KIF26A: variants seen among roughly 807,000 people sequenced by gnomAD.
KIF26A encodes the protein kinesin family member 26A.
In KIF26A, 74 loss-of-function variants were observed where a neutral mutation model predicts 126.0. That is an observed-to-expected ratio of 0.59 (90% CI 0.49 to 0.71). The LOEUF (loss-of-function observed/expected upper bound fraction) is 0.71. Among genes scored for constraint, KIF26A ranks in the 30% least tolerant of loss-of-function variants. The pLI is 0.00. For synonymous variants in KIF26A, 1,445 were observed against 1,232.7 expected, an observed-to-expected ratio of 1.17 and a Z score of -3.61; for missense variants, 2,984 against 2,763.3, an observed-to-expected ratio of 1.08 and a Z score of -1.79.
chr14:104,171,331 G>A (rs1339054882), intron 5 of KIF26A, among the ~76,000 whole-genome samples: 1 of 152,210 alleles, frequency 6.6e-6, no homozygotes, highest in East Asian at 1.9e-4. Context: ...CTCAGCCTGG[G>A]GAGCAGCCTG....
rs980209262 is a variant in KIF26A, at chr14:104,180,485, A to G, written c.*695A>G. On this transcript the variant is annotated 3_prime_UTR_variant, in exon 15 of 15. Transcript: ENST00000423312. The stretch of plus-strand genomic sequence containing the variant: ...CCACAAGCAAAAAACAAAACAGACC[A>G]CCACGACCAACAACAAAGATGGGGG... The G allele has an allele frequency of 6.6e-6, 1 of 152,204 alleles. No homozygotes were observed. Among genetic ancestry groups the G allele is most frequent in the Non-Finnish European group, 1.5e-5 (1 of 68,042 alleles). The allele number at this position is 152,204 out of a possible 1,614,324, so 9.4% of individuals were successfully genotyped here.
rs770931669 is a variant in KIF26A at position 104,177,444 on chromosome 14, C to T, written c.4656C>T (p.Thr1552=). Residue 1552 remains threonine, a synonymous_variant, in exon 12 of 15, where the codon ACC becomes ACT. Coordinates refer to ENST00000423312, the MANE Select transcript of KIF26A (RefSeq NM_015656.2). ...TCGGGGCGAAGGCTGGCCGGGGTAC[C>T]GTCATGGGCACAAAGCAGGCGCTCC... is the stretch of plus-strand genomic sequence containing the variant. ...PSVGAKAGRG[T]VMGTKQALRA... is the part of the protein sequence containing the mutation. The T allele has an allele frequency of 7.0e-5, 107 of 1,522,668 alleles. No homozygotes were observed. Among genetic ancestry groups the T allele is most frequent in the Admixed American group, 2.4e-4 (12 of 49,674 alleles). 94.3% of individuals were successfully genotyped at this position (1,522,668 alleles called of 1,614,324 possible).
At chr14:104,146,547 G>C (rs1326014462) in intron 2 of KIF26A, among the ~76,000 whole-genome samples, 1 of 151,158 alleles carries the variant, frequency 6.6e-6, no homozygotes. Context: ...GGCGACCACC[G>C]CAGATCCTCT....
intron 3 of KIF26A, among the ~76,000 whole-genome samples, chr14:104,153,642 G>GAACCCCACCCTTGCCAC (rs1218036764): frequency 3.3e-5 from 5 of 151,774 alleles, no homozygotes; most frequent in African/African-American, 4.8e-5. Flanking sequence ...CCCCAGAGCT[G>GAACCCCACCCTTGCCAC]GGCATCCTGG....
chr14:104,152,082 C>T lies in KIF26A; in HGVS notation c.356C>T (p.Pro119Leu), dbSNP rs1391950839. The change falls in exon 3 of 15, where the codon CCA becomes CTA. Residue 119 changes from proline (P) to leucine (L), a missense_variant. Pro to Leu is a moderately conservative substitution (Grantham distance 98). Coordinates refer to ENST00000423312, the MANE Select transcript of KIF26A (RefSeq NM_015656.2). The surrounding 1 kb of genome is among the most constrained non-coding windows in gnomAD (Gnocchi z 5.9). Reference sequence around the variant, plus strand: ...CCTGGGGCCCTGCCAGCCTGTCGCCCAGAGGCCGAGCGCCGCTGTGACGTC... The same window carrying T: ...CCTGGGGCCCTGCCAGCCTGTCGCCTAGAGGCCGAGCGCCGCTGTGACGTC... ...PAPGALPACR[P>L]EAERRCDVCA... 27 of 1,612,660 alleles carry T rather than the reference C, an allele frequency of 1.7e-5. No homozygotes were observed. Among genetic ancestry groups the T allele is most frequent in the Non-Finnish European group, 2.2e-5 (26 of 1,179,792 alleles).
At position 104,179,626 on chromosome 14, in the gene KIF26A, C is replaced by G. The variant is rs1358667299; in HGVS notation, c.5485C>G (p.Leu1829Val). The G allele has an allele frequency of 3.3e-6, 5 of 1,537,074 alleles. No homozygotes were observed. The highest frequency in any genetic ancestry group is 4.4e-6 in the Non-Finnish European group (5 of 1,140,388). ...CTCCCCAGTTGAGGTGGACCCGGAG[C>G]TGGAGCCCGAGTCGGCCGAGTACCT... ...WLEQFEVDPELEPESAEYLAA... is the reference protein window; with the variant it reads ...WLEQFEVDPEVEPESAEYLAA... Residue 1829 changes from leucine (L) to valine (V), a missense_variant, in exon 15 of 15, where the codon CTG becomes GTG. Transcript: ENST00000423312.
At chr14:104,139,629 TCCAGCCCTA>T (rs1298849904) in intron 2 of KIF26A, among the ~76,000 whole-genome samples, 1 of 152,134 alleles carries the variant, frequency 6.6e-6, no homozygotes, top group Non-Finnish European at 1.5e-5. Flanking sequence ...GCGGGACAGC[TCCAGCCCTA>T]CCAGCAGGGA....
At chr14:104,149,393 G>GGAA (rs2037707170) in intron 2 of KIF26A, among the ~76,000 whole-genome samples, 1 of 152,206 alleles carries the variant, frequency 6.6e-6, no homozygotes, top group Non-Finnish European at 1.5e-5. Flanking sequence ...GGCTGCTGGG[G>GGAA]GAAGGTACCC....
chr14:104,179,111 T>G, intron 13 of KIF26A, 125 bp from the exon 14 acceptor site: 3 of 1,158,528 alleles, frequency 2.6e-6, no homozygotes, highest in Non-Finnish European at 3.4e-6. Context: ...TGCCCGCCCT[T>G]GGAGCCCCAC....
chr14:104,176,819 A>G lies in KIF26A; in HGVS notation c.4031A>G (p.Lys1344Arg). Residue 1344 changes from lysine to arginine, a missense_variant, in exon 12 of 15, where the codon AAG (lysine) becomes AGG (arginine). Coordinates refer to ENST00000423312, the MANE Select transcript of KIF26A (RefSeq NM_015656.2). ...CTGAAGGCCTCCCCCACCAGCAAGA[A>G]GGGTCTGGCTCCCAAGGCGGGCTTC... is the stretch of plus-strand genomic sequence containing the variant. ...GSLKASPTSK[K>R]GLAPKAGFLP... 6.4e-7 allele frequency: 1 copy of G among 1,557,046 alleles called. No individual in the cohort carries two copies. Among genetic ancestry groups the G allele is most frequent in the South Asian group, 1.2e-5 (1 of 84,190 alleles).
Position 104,152,403 on chromosome 14 carries a change from G to A in KIF26A, c.677G>A (p.Cys226Tyr), listed in dbSNP as rs769298991. The change falls in exon 3 of 15, where the codon TGC becomes TAC. Residue 226 changes from cysteine (C) to tyrosine (Y), a missense_variant. Transcript: ENST00000423312. This position sits in a 1 kb window ranked among gnomAD's most constrained non-coding sequence, Gnocchi z 5.9. Reference sequence around the variant, plus strand: ...ACGGTCACCATCCAGGCCCAGCAGTGCCTGGAGGGCATGTGGAGTGTCTCG... The same window carrying A: ...ACGGTCACCATCCAGGCCCAGCAGTACCTGGAGGGCATGTGGAGTGTCTCG... ...LSTVTIQAQQ[C>Y]LEGMWSVSRV... The A allele has an allele frequency of 1.9e-5, 31 of 1,599,216 alleles. No homozygotes were observed. The East Asian group carries it at 2.9e-4, about 15-fold the overall frequency.
chr14:104,155,130 C>T (rs894084685), intron 3 of KIF26A, among the ~76,000 whole-genome samples: 12 of 152,170 alleles, frequency 7.9e-5, no homozygotes, highest in Non-Finnish European at 1.2e-4. Context: ...TGACAGAGTT[C>T]GGCTCTGAGC....
At chr14:104,157,688 C>G in intron 3 of KIF26A, 67 bp from the exon 4 acceptor site, 1 of 1,510,758 alleles carries the variant, frequency 6.6e-7, no homozygotes, top group East Asian at 2.5e-5. Context: ...TCTCCCACTC[C>G]GGGTGCCAGG....
chr14:104,165,668 TTTCTGTATGCATATGTGTGA>T, intron 4 of KIF26A, among the ~76,000 whole-genome samples: 1 of 151,896 alleles, frequency 6.6e-6, no homozygotes, highest in African/African-American at 2.4e-5. Context: ...TGTATCTGTG[TTTCTGTATGCATATGTGTGA>T]CTGTGTGTCT....
chr14:104,173,804 T>TCAG lies in KIF26A; in HGVS notation c.1967_1968insAGC (p.Ser656_Leu657insAla), dbSNP rs1317393804. On this transcript the variant is annotated inframe_insertion, in exon 10 of 15. Transcript: ENST00000423312. ...GGCTGCTGGGGGTCCCCTGTGTCTG[T>TCAG]CCCTGTCGGCCCTGGGCAGCGTCAT... The TCAG allele has an allele frequency of 3.7e-6, 6 of 1,604,710 alleles. No individual in the cohort carries two copies. The highest frequency in any genetic ancestry group is 5.1e-6 in the Non-Finnish European group (6 of 1,179,404).
At chr14:104,178,387 G>A (rs910969575) in intron 12 of KIF26A, among the ~76,000 whole-genome samples, 163 bp from the exon 13 acceptor site, 4 of 152,102 alleles carry the variant, frequency 2.6e-5, no homozygotes, top group Admixed American at 6.5e-5. Flanking sequence ...GCTTGGGGTC[G>A]GCTTCCTCCC....
In KIF26A at chr14:104,152,303, A is replaced by G; in HGVS notation, c.577A>G (p.Lys193Glu). ...QPGRAGPDRTKGLAWSPGPSV... is the reference protein window; with the variant it reads ...QPGRAGPDRTEGLAWSPGPSV... Reference sequence around the variant, plus strand: ...AGGACGAGCTGGGCCAGACAGGACCAAGGGGCTGGCCTGGTCCCCCGGGCC... The same window carrying G: ...AGGACGAGCTGGGCCAGACAGGACCGAGGGGCTGGCCTGGTCCCCCGGGCC... The change falls in exon 3 of 15, where the codon AAG becomes GAG. Residue 193 changes from lysine to glutamate, a missense_variant. By Grantham distance (56) the Lys-to-Glu change is moderately conservative (BLOSUM62 1). Coordinates refer to ENST00000423312, the MANE Select transcript of KIF26A (RefSeq NM_015656.2). This position sits in a 1 kb window ranked among gnomAD's most constrained non-coding sequence, Gnocchi z 5.9. 1 of 1,586,050 alleles carries G rather than the reference A, an allele frequency of 6.3e-7. No individual in the cohort carries two copies. The highest frequency in any genetic ancestry group is 2.3e-5 in the East Asian group (1 of 43,454).
chr14:104,175,725 C>A lies in KIF26A; in HGVS notation c.2937C>A (p.Thr979=), dbSNP rs2038015258. The part of the protein sequence containing the change: ...GGGGTDGVAR[T]PPVGMSGQVA... ...GGGGCACTGATGGAGTGGCACGGAC[C>A]CCTCCCGTGGGCATGAGTGGGCAGG... is the stretch of plus-strand genomic sequence containing the variant. Residue 979 remains threonine (T), a synonymous_variant, in exon 12 of 15, where the codon ACC becomes ACA. Coordinates refer to ENST00000423312, the MANE Select transcript of KIF26A (RefSeq NM_015656.2). 1.9e-6 allele frequency: 3 copies of A among 1,574,624 alleles called. No homozygotes were observed. In the East Asian group the frequency reaches 7.0e-5, roughly 37 times the overall value.
intron 4 of KIF26A, among the ~76,000 whole-genome samples, chr14:104,165,627 G>A (rs1339108370): frequency 2.8e-5 from 4 of 140,486 alleles, no homozygotes; most frequent in African/African-American, 9.1e-5. Flanking sequence ...CTGTATGCAT[G>A]TGTGTGTCTG....
Sources: gnomAD v4.1 joint callset for allele counts (sites outside exome capture counted in the v4.1 genomes callset) on GRCh38, gnomAD v4.1.1 for gene constraint, Gnocchi (gnomAD v3.1) non-coding constraint, MANE v1.5 for transcripts, NCBI Gene and HGNC (gene_info 2026-07-23, HGNC 2026-07-21) for gene names.